Variants in RAB3C observed in about 807,000 individuals in gnomAD.
The protein encoded by RAB3C is ras-related protein Rab-3C.
A neutral mutation model predicts 26.4 loss-of-function variants in RAB3C; 17 were observed. That is an observed-to-expected ratio of 0.64 (90% confidence interval 0.44 to 0.97). RAB3C has a LOEUF of 0.97. Among genes scored for constraint, RAB3C ranks in the 50% least tolerant of loss-of-function variants. The pLI is 0.00. For synonymous variants in RAB3C, 91 were observed against 95.9 expected (o/e 0.95, Z 0.30); for missense variants, 242 against 281.9 (o/e 0.86, Z 1.01).
Position 58,720,307 on chromosome 5 carries a change from G to A in RAB3C, c.253-5695G>A, listed in dbSNP as rs1358471744. ...ATTTTAAAATGTACAAATATGGTTA[G>A]AATAGGTAAAATAAATTGAATATAT... On this transcript the variant is annotated intron_variant, in intron 2 of 4. Transcript: ENST00000282878. 2.6e-5 allele frequency among the ~76,000 whole-genome samples: 4 copies of A among 151,848 alleles called. No individual in the cohort carries two copies. In the East Asian group the frequency reaches 7.8e-4, roughly 29 times the overall value.
Position 58,750,228 on chromosome 5 carries a change from C to G in RAB3C, c.371+24108C>G, listed in dbSNP as rs146241659. On this transcript the variant is annotated intron_variant, in intron 3 of 4. Coordinates refer to ENST00000282878, the MANE Select transcript of RAB3C (RefSeq NM_138453.4). ...TACAGTGTTCACTTTGGCAAGGGAC[C>G]AATTCTCAACAGCCAGAAGTTTAAA... Among the ~76,000 whole-genome samples, 299 of 152,136 alleles carry G rather than the reference C, an allele frequency of 2.0e-3. 3 individuals are homozygous for G. The East Asian group carries it at 0.037, about 19-fold the overall frequency.
chr5:58,718,406 G>T (rs1749218457), intron 2 of RAB3C, among the ~76,000 whole-genome samples: 1 of 151,968 alleles, frequency 6.6e-6, no homozygotes, highest in Non-Finnish European at 1.5e-5. Flanking sequence ...ATCTGTCAGG[G>T]TATTACTGAA....
intron 2 of RAB3C, among the ~76,000 whole-genome samples, chr5:58,713,250 C>T (rs1749099343): frequency 6.6e-6 from 1 of 152,150 alleles, no homozygotes; most frequent in Non-Finnish European, 1.5e-5. Context: ...AAAGTGGCAG[C>T]TGCTACTAGT....
chr5:58,796,284 G>A (rs1056248446), intron 3 of RAB3C, among the ~76,000 whole-genome samples: 9 of 152,088 alleles, frequency 5.9e-5, no homozygotes, highest in Non-Finnish European at 1.3e-4. Flanking sequence ...ACAGAAACAC[G>A]GTATGTAGAA....
chr5:58,844,448 A>G (rs1290048857), intron 4 of RAB3C, among the ~76,000 whole-genome samples: 1 of 152,158 alleles, frequency 6.6e-6, no homozygotes, highest in Non-Finnish European at 1.5e-5. Flanking sequence ...GCCCTTCTTC[A>G]GGCAAATTGA....
At chr5:58,649,176 G>T (rs1395845030) in intron 2 of RAB3C, among the ~76,000 whole-genome samples, 2 of 152,042 alleles carry the variant, frequency 1.3e-5, no homozygotes, top group Non-Finnish European at 2.9e-5. Flanking sequence ...ACCACCTGCT[G>T]GTCCACTGGG....
intron 2 of RAB3C, among the ~76,000 whole-genome samples, chr5:58,623,300 A>G (rs542851396): frequency 6.6e-6 from 1 of 152,326 alleles, no homozygotes; most frequent in East Asian, 1.9e-4. Flanking sequence ...TCTGCCTATA[A>G]TCTTTGCATT....
At position 58,704,587 on chromosome 5, in the gene RAB3C, T is replaced by C. The variant is rs569083158; in HGVS notation, c.253-21415T>C. Reference sequence around the variant, plus strand: ...ATACACAAAAGAAATGCTATACAAATGATCTGTGCTGAATGTATCTGGGGT... The same window carrying C: ...ATACACAAAAGAAATGCTATACAAACGATCTGTGCTGAATGTATCTGGGGT... On this transcript the variant is annotated intron_variant, in intron 2 of 4. Transcript: ENST00000282878. Among the ~76,000 whole-genome samples the C allele has an allele frequency of 4.6e-5, 7 of 152,270 alleles. No individual in the cohort carries two copies. The South Asian group carries it at 6.2e-4, about 14-fold the overall frequency.
chr5:58,844,976 C>G (rs900980103), intron 4 of RAB3C, among the ~76,000 whole-genome samples: 1 of 152,154 alleles, frequency 6.6e-6, no homozygotes, highest in African/African-American at 2.4e-5. Flanking sequence ...GGAAATGAAT[C>G]AAGTGTTTCC....
rs1744262036 is a variant in RAB3C, at chr5:58,856,467, A to G, written c.*5116A>G. On this transcript the variant is annotated 3_prime_UTR_variant, in exon 5 of 5. Transcript: ENST00000282878. ...CAAAACACTATCCTCATGGAATGAC[A>G]GGACCAAGAATAGAAAATGAGACTC... The G allele has an allele frequency of 6.6e-6, 1 of 152,158 alleles. No homozygotes were observed. Among genetic ancestry groups the G allele is most frequent in the Non-Finnish European group, 1.5e-5 (1 of 68,020 alleles). 9.4% of individuals were successfully genotyped at this position (152,158 alleles called of 1,614,324 possible).
intron 3 of RAB3C, among the ~76,000 whole-genome samples, chr5:58,730,466 A>C (rs1419281065): frequency 6.6e-6 from 1 of 152,068 alleles, no homozygotes; most frequent in Non-Finnish European, 1.5e-5. Flanking sequence ...GGCCTTCTAC[A>C]ACAGGAAATA....
At chr5:58,668,768 G>A (rs1298631004) in intron 2 of RAB3C, among the ~76,000 whole-genome samples, 2 of 151,880 alleles carry the variant, frequency 1.3e-5, no homozygotes, top group Middle Eastern at 3.2e-3. Flanking sequence ...TAGAGTTAGG[G>A]GCTCCTACGT....
At chr5:58,804,450 G>C (rs1425356076) in intron 3 of RAB3C, among the ~76,000 whole-genome samples, 1 of 152,192 alleles carries the variant, frequency 6.6e-6, no homozygotes, top group Non-Finnish European at 1.5e-5. Context: ...TCAACCCAGG[G>C]AGGGACATGA....
chr5:58,636,811 A>G (rs1279664003), intron 2 of RAB3C, among the ~76,000 whole-genome samples: 1 of 152,222 alleles, frequency 6.6e-6, no homozygotes, highest in Admixed American at 6.5e-5. Context: ...TAGGAAGGGC[A>G]TATGAGAATT....
chr5:58,787,862 C>T (rs1224021211), intron 3 of RAB3C, among the ~76,000 whole-genome samples: 4 of 152,232 alleles, frequency 2.6e-5, no homozygotes, highest in African/African-American at 9.6e-5. Context: ...GCTGTCCTAA[C>T]TCCTTTTCCT....
At chr5:58,631,692 T>A (rs1257025073) in intron 2 of RAB3C, among the ~76,000 whole-genome samples, 1 of 152,192 alleles carries the variant, frequency 6.6e-6, no homozygotes, top group East Asian at 1.9e-4. Context: ...AATGGATCTG[T>A]CCTCCTACTA....
Position 58,827,986 on chromosome 5 carries a change from G to A in RAB3C, c.496+2824G>A, listed in dbSNP as rs114334052. 3.9e-3 allele frequency among the ~76,000 whole-genome samples: 592 copies of A among 152,244 alleles called. 3 individuals are homozygous for A. Among genetic ancestry groups the A allele is most frequent in the African/African-American group, 0.014 (564 of 41,550 alleles). Reference sequence around the variant, plus strand: ...ATTACCACATCTTGGCAGATGGCTCGAAATAACTGCTTTATCGATCTGGTA... The same window carrying A: ...ATTACCACATCTTGGCAGATGGCTCAAAATAACTGCTTTATCGATCTGGTA... On this transcript the variant is annotated intron_variant, in intron 4 of 4. Coordinates refer to ENST00000282878, the MANE Select transcript of RAB3C (RefSeq NM_138453.4).
chr5:58,606,821 A>T (rs1325695204), intron 1 of RAB3C, among the ~76,000 whole-genome samples: 1 of 152,228 alleles, frequency 6.6e-6, no homozygotes, highest in Non-Finnish European at 1.5e-5. Context: ...CCTGCAGCTG[A>T]GGGACCTGTT....
At chr5:58,654,914 G>A (rs904340117) in intron 2 of RAB3C, among the ~76,000 whole-genome samples, 11 of 152,116 alleles carry the variant, frequency 7.2e-5, no homozygotes, top group African/African-American at 2.4e-4. Context: ...TTATATTTCT[G>A]TAGGTGAGAC....
Sources: allele counts gnomAD v4.1 joint callset (sites outside exome capture counted in the v4.1 genomes callset), GRCh38; gene constraint gnomAD v4.1.1; transcripts MANE v1.5; gene names NCBI Gene and HGNC (gene_info 2026-07-23, HGNC 2026-07-21).